The following MARCHF4 variants were observed in gnomAD, a reference collection of about 807,000 sequenced individuals.
MARCHF4 encodes the protein membrane associated ring-CH-type finger 4.
In MARCHF4, 14 loss-of-function variants were observed where a neutral mutation model predicts 43.9. The ratio of observed to expected loss-of-function variants is 0.32; its 90% CI spans 0.21 to 0.50. The LOEUF (loss-of-function observed/expected upper bound fraction) is 0.50, where lower values mean the gene tolerates loss of function less well. Ranked by LOEUF, MARCHF4 falls within the 20% of genes least tolerant of loss-of-function variation. The pLI, the probability that MARCHF4 is intolerant of heterozygous loss-of-function variation, is 0.98. For missense variants in MARCHF4, 468 were observed against 536.7 expected, an observed-to-expected ratio of 0.87 and a Z score of 1.27; for synonymous variants, 226 against 213.3, an observed-to-expected ratio of 1.06 and a Z score of -0.52.
intron 3 of MARCHF4, among the ~76,000 whole-genome samples, chr2:216,276,878 C>T (rs979862973): frequency 2.0e-5 from 3 of 152,052 alleles, no homozygotes; most frequent in Non-Finnish European, 4.4e-5. Context: ...AGACCCAGCC[C>T]GCAACCACCC....
chr2:216,308,506 T>A (rs1691627485), intron 1 of MARCHF4, among the ~76,000 whole-genome samples: 1 of 152,224 alleles, frequency 6.6e-6, no homozygotes, highest in African/African-American at 2.4e-5. Context: ...TGAATGCTGA[T>A]GATAGGCCTG....
At chr2:216,303,823 C>T (rs962644134) in intron 1 of MARCHF4, among the ~76,000 whole-genome samples, 8 of 152,078 alleles carry the variant, frequency 5.3e-5, no homozygotes, top group African/African-American at 1.9e-4. Flanking sequence ...ATAAATTATA[C>T]AAAGGTTCTG....
At chr2:216,303,684 C>G (rs1389076531) in intron 1 of MARCHF4, 1 of 152,096 alleles carries the variant, frequency 6.6e-6, no homozygotes, top group African/African-American at 2.4e-5. Context: ...TTCAGTCTGT[C>G]CCCTCCACCT....
At chr2:216,299,183 C>T (rs1486302392) in intron 1 of MARCHF4, among the ~76,000 whole-genome samples, 1 of 151,730 alleles carries the variant, frequency 6.6e-6, no homozygotes, top group Non-Finnish European at 1.5e-5. Flanking sequence ...TGGGGAATAG[C>T]TAAGTCAGAA....
chr2:216,300,304 A>G (rs1282086946), intron 1 of MARCHF4, among the ~76,000 whole-genome samples: 2 of 148,866 alleles, frequency 1.3e-5, no homozygotes, highest in Non-Finnish European at 1.5e-5. Flanking sequence ...TCTTAAATGC[A>G]TATATATATG....
chr2:216,360,534 CTG>C (rs1347556191), intron 1 of MARCHF4, among the ~76,000 whole-genome samples: 1 of 151,630 alleles, frequency 6.6e-6, no homozygotes, highest in East Asian at 1.9e-4. Flanking sequence ...AGGCTACACA[CTG>C]TATAATTCCA....
chr2:216,301,846 T>C (rs1691497384), intron 1 of MARCHF4, among the ~76,000 whole-genome samples: 1 of 152,224 alleles, frequency 6.6e-6, no homozygotes, highest in Admixed American at 6.5e-5. Flanking sequence ...ACAGTATTGC[T>C]GATCTAATAA....
chr2:216,285,522 C>G (rs1001062947), intron 1 of MARCHF4, among the ~76,000 whole-genome samples: 14 of 152,212 alleles, frequency 9.2e-5, no homozygotes, highest in African/African-American at 2.9e-4. Context: ...ATACTCAATC[C>G]AATTTTGAGA....
chr2:216,325,596 GGGTACT>G (rs1319529570), intron 1 of MARCHF4, among the ~76,000 whole-genome samples: 2 of 152,106 alleles, frequency 1.3e-5, no homozygotes, highest in African/African-American at 2.4e-5. Context: ...CAAAACAGCA[GGGTACT>G]GGTATATAGA....
chr2:216,301,451 G>C (rs1308006875), intron 1 of MARCHF4, among the ~76,000 whole-genome samples: 1 of 152,220 alleles, frequency 6.6e-6, no homozygotes, highest in African/African-American at 2.4e-5. Context: ...TTCGACTTCA[G>C]AGAGGTCTCC....
At chr2:216,366,116 G>T (rs1335330365) in intron 1 of MARCHF4, among the ~76,000 whole-genome samples, 1 of 152,158 alleles carries the variant, frequency 6.6e-6, no homozygotes, top group Non-Finnish European at 1.5e-5. Flanking sequence ...ATAACAAAAT[G>T]CTACGATGGC....
chr2:216,267,287 G>A (rs1245715533), intron 3 of MARCHF4, among the ~76,000 whole-genome samples: 1 of 152,106 alleles, frequency 6.6e-6, no homozygotes, highest in Non-Finnish European at 1.5e-5. Flanking sequence ...TGGGTCTAGG[G>A]AACACTCATT....
intron 1 of MARCHF4, among the ~76,000 whole-genome samples, chr2:216,305,261 G>A (rs1017460587): frequency 4.6e-5 from 7 of 152,266 alleles, no homozygotes; most frequent in Middle Eastern, 3.4e-3. Flanking sequence ...TGGTGAGTCC[G>A]GTATGCATGT....
At chr2:216,291,767 A>T (rs1691311119) in intron 1 of MARCHF4, among the ~76,000 whole-genome samples, 1 of 152,226 alleles carries the variant, frequency 6.6e-6, no homozygotes, top group South Asian at 2.1e-4. Flanking sequence ...CTACATACAA[A>T]CACTTTCACA....
At chr2:216,272,525 T>C (rs903991313) in intron 3 of MARCHF4, among the ~76,000 whole-genome samples, 5 of 152,300 alleles carry the variant, frequency 3.3e-5, no homozygotes, top group Middle Eastern at 3.4e-3. Context: ...AAGAAATAGA[T>C]AGTAGAAAGA....
At chr2:216,351,663 T>C (rs562340399) in intron 1 of MARCHF4, among the ~76,000 whole-genome samples, 56 of 152,230 alleles carry the variant, frequency 3.7e-4, no homozygotes, top group Non-Finnish European at 5.9e-4. Flanking sequence ...GTGGAGGCCT[T>C]GTCCGTTTTG....
At chr2:216,265,036 T>C (rs1690822334) in intron 3 of MARCHF4, among the ~76,000 whole-genome samples, 1 of 152,030 alleles carries the variant, frequency 6.6e-6, no homozygotes, top group Non-Finnish European at 1.5e-5. Flanking sequence ...GCTCATCTGA[T>C]AGGAGCAGGT....
chr2:216,320,976 A>T (rs1691885943), intron 1 of MARCHF4, among the ~76,000 whole-genome samples: 2 of 151,392 alleles, frequency 1.3e-5, no homozygotes, highest in South Asian at 4.2e-4. Context: ...CCGCACCCAG[A>T]TGCCTCTTTT....
At chr2:216,363,992 C>T (rs1037635551) in intron 1 of MARCHF4, among the ~76,000 whole-genome samples, 2 of 152,108 alleles carry the variant, frequency 1.3e-5, no homozygotes, top group Non-Finnish European at 2.9e-5. Flanking sequence ...TTCCAACTCC[C>T]GAGCTCAGAA....
Sources: gnomAD v4.1 joint callset for allele counts (sites outside exome capture counted in the v4.1 genomes callset) on GRCh38, gnomAD v4.1.1 for gene constraint, MANE v1.5 for transcripts, NCBI Gene and HGNC (gene_info 2026-07-23, HGNC 2026-07-21) for gene names.